Variants in MCF2L2 observed in about 807,000 individuals in gnomAD.
MCF2L2 encodes the protein MCF.2 cell line derived transforming sequence-like 2, also known as probable guanine nucleotide exchange factor MCF2L2.
A neutral mutation model predicts 150.2 loss-of-function variants in MCF2L2; 102 were observed. The ratio of observed to expected loss-of-function variants is 0.68; its 90% CI spans 0.58 to 0.80. The LOEUF is 0.80. Among genes scored for constraint, MCF2L2 ranks in the 30% least tolerant of loss-of-function variants. The probability of loss-of-function intolerance (pLI) is 0.00; values close to 1 mark genes in which losing one functional copy is unlikely to be tolerated. For missense variants in MCF2L2, 1,256 were observed against 1,372.8 expected, an observed-to-expected ratio of 0.91 and a Z score of 1.34; for synonymous variants, 465 against 491.3, an observed-to-expected ratio of 0.95 and a Z score of 0.71.
intron 11 of MCF2L2, chr3:183,298,550 G>A (rs926187467): frequency 2.0e-5 from 3 of 152,222 alleles, no homozygotes; most frequent in South Asian, 2.1e-4. Context: ...GGGATAGTGG[G>A]ATATGTACGT....
intron 22 of MCF2L2, among the ~76,000 whole-genome samples, chr3:183,213,507 T>TA (rs1259443316): frequency 6.6e-6 from 1 of 152,108 alleles, no homozygotes; most frequent in Non-Finnish European, 1.5e-5. Context: ...AGGTTAATAT[T>TA]AAATTTCAAG....
At chr3:183,424,046 A>G (rs1410736027) in intron 1 of MCF2L2, among the ~76,000 whole-genome samples, 1 of 151,670 alleles carries the variant, frequency 6.6e-6, no homozygotes, top group Non-Finnish European at 1.5e-5. Context: ...CATGTTACTT[A>G]GACAGCACAC....
intron 21 of MCF2L2, among the ~76,000 whole-genome samples, chr3:183,218,916 C>T (rs542830784): frequency 1.3e-5 from 2 of 152,302 alleles, no homozygotes; most frequent in East Asian, 3.9e-4. Flanking sequence ...TGAGCTGCTT[C>T]TGTTTTCAAC....
chr3:183,400,508 G>T (rs1049085354), intron 1 of MCF2L2: 6 of 456,036 alleles, frequency 1.3e-5, no homozygotes, highest in Admixed American at 4.7e-5. Context: ...TCCAGGAAAC[G>T]GCGCCACCTC....
intron 5 of MCF2L2, among the ~76,000 whole-genome samples, chr3:183,333,465 C>T (rs898002968): frequency 2.6e-5 from 4 of 152,166 alleles, no homozygotes; most frequent in Admixed American, 2.6e-4. Flanking sequence ...CCTCCCCCTT[C>T]CCACTTACTC....
rs747098217 is a variant in MCF2L2, at chr3:183,179,711, G to A, written c.3106-19C>T. 2.3e-5 allele frequency: 36 copies of A among 1,597,738 alleles called. No individual in the cohort carries two copies. Among genetic ancestry groups the A allele is most frequent in the African/African-American group, 4.0e-5 (3 of 74,734 alleles). The stretch of plus-strand genomic sequence containing the variant: ...CCGCGAGCTGGAAGGGAGGGGACGG[G>A]TGCACCCTCAGAGTTATTGCTGGAG... On this transcript the variant is annotated intron_variant, in intron 28 of 29. Transcript: ENST00000328913. The surrounding 1 kb of genome is among the most constrained non-coding windows in gnomAD (Gnocchi z 4.2).
chr3:183,301,622 C>G (rs1388272323), intron 10 of MCF2L2, among the ~76,000 whole-genome samples: 2 of 151,996 alleles, frequency 1.3e-5, no homozygotes, highest in Non-Finnish European at 2.9e-5. Flanking sequence ...CAGGGAAACC[C>G]CATCTCTACT....
At chr3:183,180,397 C>G in intron 27 of MCF2L2, 1 of 452,070 alleles carries the variant, frequency 2.2e-6, no homozygotes, top group Non-Finnish European at 3.9e-6. Context: ...CTGTTCATGG[C>G]CCTACCTCCC....
chr3:183,246,291 C>T (rs1724251714), intron 15 of MCF2L2, among the ~76,000 whole-genome samples: 1 of 152,104 alleles, frequency 6.6e-6, no homozygotes, highest in African/African-American at 2.4e-5. Context: ...CTAGCCATTT[C>T]CAGACTTTTT....
intron 27 of MCF2L2, among the ~76,000 whole-genome samples, chr3:183,184,561 A>G (rs553935445): frequency 2.0e-5 from 3 of 152,336 alleles, no homozygotes; most frequent in Non-Finnish European, 4.4e-5. Flanking sequence ...CCCTTAGTCG[A>G]CAATCTTTCT....
At chr3:183,380,427 A>G (rs1286668989) in intron 2 of MCF2L2, among the ~76,000 whole-genome samples, 2 of 152,184 alleles carry the variant, frequency 1.3e-5, no homozygotes, top group African/African-American at 4.8e-5. Flanking sequence ...ATTGAGACAG[A>G]GTCTCGCACT....
intron 15 of MCF2L2, among the ~76,000 whole-genome samples, chr3:183,276,425 G>C (rs554114070): frequency 6.6e-6 from 1 of 152,120 alleles, no homozygotes; most frequent in African/African-American, 2.4e-5. Context: ...AAATTTCCCC[G>C]TGTTATTTTT....
chr3:183,337,747 C>T (rs945612636), intron 5 of MCF2L2, among the ~76,000 whole-genome samples: 3 of 152,016 alleles, frequency 2.0e-5, no homozygotes, highest in African/African-American at 7.3e-5. Flanking sequence ...TAATGAATAT[C>T]GCTGTCTAAG....
Position 183,270,242 on chromosome 3 carries a change from G to A in MCF2L2, c.1862+6630C>T. ...AAGAACTACAAAGAAAACTGGCTTG[G>A]GAAGATCAAAGGTACAATGATATAA... is the stretch of plus-strand genomic sequence containing the variant. On this transcript the variant is annotated intron_variant, in intron 15 of 29. Transcript: ENST00000328913. This position sits in a 1 kb window ranked among gnomAD's most constrained non-coding sequence, Gnocchi z 4.5. The A allele has an allele frequency of 6.2e-7, 1 of 1,614,070 alleles. No individual in the cohort carries two copies. Among genetic ancestry groups the A allele is most frequent in the Non-Finnish European group, 8.5e-7 (1 of 1,179,982 alleles).
intron 26 of MCF2L2, among the ~76,000 whole-genome samples, chr3:183,193,655 G>A (rs1721986225): frequency 1.3e-5 from 2 of 152,152 alleles, no homozygotes; most frequent in Non-Finnish European, 2.9e-5. Flanking sequence ...GGGAAGAGAT[G>A]AGGAGGAATA....
chr3:183,214,464 G>A (rs191745780), intron 22 of MCF2L2, among the ~76,000 whole-genome samples: 149 of 152,202 alleles, frequency 9.8e-4, no homozygotes, highest in Non-Finnish European at 1.7e-3. Flanking sequence ...TGAGATCCAG[G>A]CCCAAGAAAT....
intron 5 of MCF2L2, among the ~76,000 whole-genome samples, chr3:183,335,117 T>TAA (rs762136253): frequency 2.5e-5 from 3 of 118,124 alleles, no homozygotes; most frequent in African/African-American, 1.2e-4. Context: ...GACTCTGTCT[T>TAA]AAAAAAAAAA....
At chr3:183,337,367 G>A (rs1730524991) in intron 5 of MCF2L2, among the ~76,000 whole-genome samples, 1 of 151,912 alleles carries the variant, frequency 6.6e-6, no homozygotes, top group African/African-American at 2.4e-5. Flanking sequence ...GACCAGCCTG[G>A]CCAACATGGT....
At chr3:183,228,737 C>G (rs1723441758) in intron 17 of MCF2L2, among the ~76,000 whole-genome samples, 2 of 152,182 alleles carry the variant, frequency 1.3e-5, no homozygotes, top group South Asian at 4.1e-4. Context: ...ATTCTAAGCA[C>G]TAGTCATAGA....
Sources: gnomAD v4.1 joint callset for allele counts (sites outside exome capture counted in the v4.1 genomes callset) on GRCh38, gnomAD v4.1.1 for gene constraint, Gnocchi (gnomAD v3.1) non-coding constraint, MANE v1.5 for transcripts, NCBI Gene and HGNC (gene_info 2026-07-23, HGNC 2026-07-21) for gene names.